The following FHIT variants were observed in gnomAD, a reference collection of about 807,000 sequenced individuals.
The protein encoded by FHIT is bis(5'-adenosyl)-triphosphatase.
Under a neutral mutation model 17.9 loss-of-function variants are expected in FHIT, and 19 were observed. The observed-to-expected ratio is 1.06, with a 90% CI of 0.74 to 1.56. The LOEUF (loss-of-function observed/expected upper bound fraction) is 1.56, where lower values mean the gene tolerates loss of function less well. Ranked by LOEUF, FHIT falls within the 40% of genes most tolerant of loss-of-function variation. The pLI is 0.00. For missense variants in FHIT, 248 were observed against 189.2 expected, an observed-to-expected ratio of 1.31 and a Z score of -1.82; for synonymous variants, 81 against 69.7, an observed-to-expected ratio of 1.16 and a Z score of -0.81.
chr3:60,491,234 A>G (rs2034051332), intron 5 of FHIT, among the ~76,000 whole-genome samples: 1 of 152,190 alleles, frequency 6.6e-6, no homozygotes, highest in African/African-American at 2.4e-5. Context: ...AATGGCAATA[A>G]TTCATTAGCA....
At chr3:60,247,133 A>C (rs549608720) in intron 5 of FHIT, among the ~76,000 whole-genome samples, 124 of 152,248 alleles carry the variant, frequency 8.1e-4, no homozygotes, top group Admixed American at 2.2e-3. Context: ...AATATTGATA[A>C]GTATATGTGG....
chr3:59,956,392 G>A (rs13088505), intron 7 of FHIT, among the ~76,000 whole-genome samples: 51,483 of 152,082 alleles, frequency 0.34, 10,429 homozygotes, highest in East Asian at 0.62. Flanking sequence ...AAAAAAGGCC[G>A]GGCATGGTGG....
intron 3 of FHIT, among the ~76,000 whole-genome samples, chr3:60,932,697 C>A (rs1294739838): frequency 6.6e-6 from 1 of 152,182 alleles, no homozygotes; most frequent in East Asian, 1.9e-4. Flanking sequence ...ATAGTTGCTT[C>A]ACCATCTTTT....
At chr3:61,135,224 A>G (rs1011590708) in intron 2 of FHIT, among the ~76,000 whole-genome samples, 7 of 152,156 alleles carry the variant, frequency 4.6e-5, no homozygotes, top group Non-Finnish European at 2.9e-5. Context: ...GTGGCTTGGG[A>G]AGTTTTCTAA....
rs527398696 is a variant in FHIT, at chr3:60,022,345, G to A, written c.104-8193C>T. On this transcript the variant is annotated intron_variant, in intron 5 of 9. Transcript: ENST00000492590. ...TGTTTGCCAAACAGTTCAGGTTACT[G>A]CCATGTCTGGGCATATGGTAGGCCT... 7.9e-5 allele frequency among the ~76,000 whole-genome samples: 12 copies of A among 152,342 alleles called. No homozygotes were observed. The East Asian group carries it at 2.3e-3, about 29-fold the overall frequency.
At chr3:60,616,528 T>A (rs2038956465) in intron 4 of FHIT, among the ~76,000 whole-genome samples, 1 of 152,202 alleles carries the variant, frequency 6.6e-6, no homozygotes, top group African/African-American at 2.4e-5. Context: ...TCAATTGTCT[T>A]CTTATTGCTA....
chr3:60,102,682 C>A (rs1322230780), intron 5 of FHIT, among the ~76,000 whole-genome samples: 7 of 152,030 alleles, frequency 4.6e-5, no homozygotes, highest in African/African-American at 1.7e-4. Context: ...ATCAAGGTCA[C>A]CCATGTCAAT....
intron 3 of FHIT, among the ~76,000 whole-genome samples, chr3:60,967,463 A>G (rs1188112304): frequency 6.6e-6 from 1 of 152,224 alleles, no homozygotes; most frequent in African/African-American, 2.4e-5. Flanking sequence ...ATTTTGAAAG[A>G]CTAGATACCA....
intron 8 of FHIT, among the ~76,000 whole-genome samples, chr3:59,819,708 A>T (rs923649641): frequency 1.3e-5 from 2 of 152,220 alleles, no homozygotes; most frequent in Admixed American, 1.3e-4. Flanking sequence ...ACCATAGAAC[A>T]GATGCCTCAT....
At chr3:61,236,398 A>T (rs1426254128) in intron 1 of FHIT, among the ~76,000 whole-genome samples, 1 of 151,924 alleles carries the variant, frequency 6.6e-6, no homozygotes, top group Non-Finnish European at 1.5e-5. Flanking sequence ...ATCTTTTACT[A>T]TTCTTATTTA....
intron 5 of FHIT, among the ~76,000 whole-genome samples, chr3:60,173,112 A>C (rs910612130): frequency 6.6e-6 from 1 of 152,162 alleles, no homozygotes; most frequent in Non-Finnish European, 1.5e-5. Flanking sequence ...ACGGCATTGG[A>C]CCAACTACTT....
intron 5 of FHIT, among the ~76,000 whole-genome samples, chr3:60,143,791 A>C (rs1700129458): frequency 6.6e-6 from 1 of 152,144 alleles, no homozygotes; most frequent in African/African-American, 2.4e-5. Context: ...CTCAACAATT[A>C]ATATAAATTA....
intron 8 of FHIT, among the ~76,000 whole-genome samples, chr3:59,802,822 G>A (rs963772147): frequency 6.6e-6 from 1 of 152,222 alleles, no homozygotes; most frequent in Admixed American, 6.5e-5. Flanking sequence ...TAATCCTAGG[G>A]AGAGAGAATG....
chr3:60,501,400 A>G (rs114001437), intron 5 of FHIT, among the ~76,000 whole-genome samples: 1 of 152,150 alleles, frequency 6.6e-6, no homozygotes, highest in African/African-American at 2.4e-5. Flanking sequence ...AGTTCTATAG[A>G]TATTTTTTCT....
At chr3:60,645,230 C>T (rs531678111) in intron 4 of FHIT, among the ~76,000 whole-genome samples, 190 of 152,284 alleles carry the variant, frequency 1.2e-3, no homozygotes, top group Non-Finnish European at 2.1e-3. Context: ...GAAACACACA[C>T]ATCTCATGCC....
intron 3 of FHIT, among the ~76,000 whole-genome samples, chr3:60,921,746 C>T (rs1297137826): frequency 6.6e-6 from 1 of 152,110 alleles, no homozygotes; most frequent in African/African-American, 2.4e-5. Flanking sequence ...TCAGACCTTC[C>T]CTTTGTCTTC....
chr3:60,555,363 A>G (rs1366309669), intron 4 of FHIT, among the ~76,000 whole-genome samples: 1 of 152,198 alleles, frequency 6.6e-6, no homozygotes, highest in African/African-American at 2.4e-5. Context: ...GAGCTTCCCA[A>G]CTTCAGCAGA....
rs148183345 is a variant in FHIT, at chr3:60,647,507, G to C, written c.-17-110528C>G. 8.3e-4 allele frequency among the ~76,000 whole-genome samples: 127 copies of C among 152,208 alleles called. 3 individuals carry two copies. The East Asian group carries it at 0.022, about 26-fold the overall frequency. On this transcript the variant is annotated intron_variant, in intron 4 of 9. Transcript: ENST00000492590. Reference sequence around the variant, plus strand: ...TGGTACTCGAGGCCCTCAAGTCCAGGGTTCTTTCCACTTGCCCAGGTTTAT... The same window carrying C: ...TGGTACTCGAGGCCCTCAAGTCCAGCGTTCTTTCCACTTGCCCAGGTTTAT...
chr3:59,984,341 A>G (rs543261595), intron 7 of FHIT, among the ~76,000 whole-genome samples: 4 of 152,044 alleles, frequency 2.6e-5, no homozygotes, highest in East Asian at 2.0e-4. Flanking sequence ...AATCTACTAC[A>G]AGAAACATTT....
Sources: gnomAD v4.1 joint callset for allele counts (sites outside exome capture counted in the v4.1 genomes callset) on GRCh38, gnomAD v4.1.1 for gene constraint, MANE v1.5 for transcripts, NCBI Gene and HGNC (gene_info 2026-07-23, HGNC 2026-07-21) for gene names.